LIPK: variants seen among roughly 807,000 people sequenced by gnomAD.
The protein encoded by LIPK is lipase member K.
LIPK carries 32 observed loss-of-function variants against 48.6 expected under a neutral mutation model. The observed-to-expected ratio is 0.66, with a 90% CI of 0.50 to 0.88. The LOEUF (loss-of-function observed/expected upper bound fraction) is 0.88, where lower values mean the gene tolerates loss of function less well. LIPK is among the 40% of genes least tolerant of loss of function. The probability of loss-of-function intolerance (pLI) is 0.00; values close to 1 mark genes in which losing one functional copy is unlikely to be tolerated. For missense variants in LIPK, 507 were observed against 478.5 expected, an observed-to-expected ratio of 1.06 and a Z score of -0.56; for synonymous variants, 164 against 157.4, an observed-to-expected ratio of 1.04 and a Z score of -0.32.
intron 1 of LIPK, among the ~76,000 whole-genome samples, chr10:88,714,341 C>G (rs75143208): frequency 2.0e-5 from 3 of 152,198 alleles, no homozygotes; most frequent in East Asian, 1.9e-4. Flanking sequence ...ATTCTAATAA[C>G]CTTGGCTCCA....
rs73352681 is a variant in LIPK, at chr10:88,752,480, T to C, written c.961-37T>C. ...ATGTTACTTCTATAATGTAATATTC[T>C]GTAAAAACTTTTCTCTCTCTCTTTT... On this transcript the variant is annotated intron_variant, in intron 9 of 9. Coordinates refer to ENST00000404190, the MANE Select transcript of LIPK (RefSeq NM_001080518.2). 3,631 of 1,445,362 alleles carry C rather than the reference T, an allele frequency of 2.5e-3. 35 individuals are homozygous for C. Among genetic ancestry groups the C allele is most frequent in the African/African-American group, 0.02 (1,411 of 71,144 alleles). 89.5% of individuals were successfully genotyped at this position (1,445,362 alleles called of 1,614,324 possible). A position where few individuals can be genotyped will look rare whatever the true frequency, so the allele number is the denominator to read the frequency against.
At chr10:88,706,817 C>T (rs947347626) in intron 1 of LIPK, among the ~76,000 whole-genome samples, 10 of 152,128 alleles carry the variant, frequency 6.6e-5, no homozygotes, top group African/African-American at 2.2e-4. Context: ...TCAAGAGTGA[C>T]ACAACTGCTT....
chr10:88,710,134 A>C (rs1373748878), intron 1 of LIPK, among the ~76,000 whole-genome samples: 2 of 151,948 alleles, frequency 1.3e-5, no homozygotes, highest in East Asian at 3.8e-4. Context: ...AGATTAAATT[A>C]ATATATTATA....
At chr10:88,710,044 T>C (rs936703486) in intron 1 of LIPK, among the ~76,000 whole-genome samples, 1 of 151,812 alleles carries the variant, frequency 6.6e-6, no homozygotes, top group Non-Finnish European at 1.5e-5. Flanking sequence ...AACAACTTTT[T>C]CCTCTATTTA....
At chr10:88,709,431 C>T (rs896515867) in intron 1 of LIPK, among the ~76,000 whole-genome samples, 3 of 152,108 alleles carry the variant, frequency 2.0e-5, no homozygotes, top group African/African-American at 7.2e-5. Flanking sequence ...CTATCCTTCT[C>T]CTTGTCCCCC....
chr10:88,717,360 A>T (rs920584183), intron 1 of LIPK, among the ~76,000 whole-genome samples: 5 of 152,160 alleles, frequency 3.3e-5, no homozygotes, highest in African/African-American at 1.2e-4. Context: ...GTTTTTCTGT[A>T]AAGAAGATGC....
intron 1 of LIPK, among the ~76,000 whole-genome samples, chr10:88,710,240 C>T (rs1842004457): frequency 6.6e-6 from 1 of 152,016 alleles, no homozygotes; most frequent in African/African-American, 2.4e-5. Flanking sequence ...AGATCCCTCT[C>T]CAAGTTGAGA....
Position 88,730,974 on chromosome 10 carries a change from G to T in LIPK, c.224-9G>T. On this transcript the variant is annotated splice_polypyrimidine_tract_variant and intron_variant, in intron 3 of 9. Transcript: ENST00000404190. ...CAAATATGAAATTCTTGTTGCCTGT[G>T]TTTTGCAGCTCCAAAGCCTGCTGTG... The T allele has an allele frequency of 6.4e-7, 1 of 1,555,210 alleles. No individual in the cohort carries two copies. Among genetic ancestry groups the T allele is most frequent in the Non-Finnish European group, 8.7e-7 (1 of 1,153,636 alleles).
chr10:88,724,176 A>G (rs1448331915), intron 1 of LIPK, among the ~76,000 whole-genome samples: 5 of 152,192 alleles, frequency 3.3e-5, no homozygotes, highest in African/African-American at 1.2e-4. Flanking sequence ...CCAATCTAGT[A>G]ACTAGAGATA....
chr10:88,714,297 T>C (rs1196001528), intron 1 of LIPK, among the ~76,000 whole-genome samples: 1 of 152,208 alleles, frequency 6.6e-6, no homozygotes, highest in African/African-American at 2.4e-5. Flanking sequence ...CTGATCATTT[T>C]AAACTATTTG....
In LIPK at chr10:88,749,652, T is replaced by C. The variant is rs1253912650; in HGVS notation, c.961-2865T>C. On this transcript the variant is annotated intron_variant, in intron 9 of 9. Coordinates refer to ENST00000404190, the MANE Select transcript of LIPK (RefSeq NM_001080518.2). ...GACTTAAATGTATAACCTACAACTA[T>C]AAAAACCCTAAAAGAAAACCTAGGA... Among the ~76,000 whole-genome samples, 22 of 129,364 alleles carry C rather than the reference T, an allele frequency of 1.7e-4. No individual in the cohort carries two copies. The Admixed American group carries it at 1.7e-3, about 10-fold the overall frequency. 84.9% of individuals were successfully genotyped at this position (129,364 alleles called of 152,430 possible).
chr10:88,744,436 C>G (rs981058320), intron 9 of LIPK, among the ~76,000 whole-genome samples: 1 of 152,216 alleles, frequency 6.6e-6, no homozygotes, highest in Non-Finnish European at 1.5e-5. Context: ...ATCTCAGCCT[C>G]TCCAGTGCAG....
intron 8 of LIPK, among the ~76,000 whole-genome samples, chr10:88,741,947 C>CA (rs1196220681): frequency 3.3e-5 from 5 of 152,268 alleles, no homozygotes; most frequent in African/African-American, 1.2e-4. Context: ...TTAACAGACT[C>CA]ACAGCTCCAC....
At chr10:88,738,355 AAG>A (rs1254336063) in intron 7 of LIPK, among the ~76,000 whole-genome samples, 1 of 152,154 alleles carries the variant, frequency 6.6e-6, no homozygotes, top group Non-Finnish European at 1.5e-5. Context: ...GGAGGAGGGA[AAG>A]AGAGGAGTTG....
chr10:88,707,237 C>G (rs1444701880), intron 1 of LIPK, among the ~76,000 whole-genome samples: 1 of 152,022 alleles, frequency 6.6e-6, no homozygotes. Flanking sequence ...GCACTTCAGG[C>G]TGTAAATATG....
chr10:88,737,608 T>G, intron 6 of LIPK, 27 bp from the exon 7 acceptor site: 1 of 1,610,976 alleles, frequency 6.2e-7, no homozygotes, highest in African/African-American at 1.3e-5. Context: ...CCTGTAAGAT[T>G]TGATGGTGTT....
At chr10:88,716,555 C>G (rs1842122929) in intron 1 of LIPK, among the ~76,000 whole-genome samples, 1 of 151,934 alleles carries the variant, frequency 6.6e-6, no homozygotes, top group Non-Finnish European at 1.5e-5. Flanking sequence ...ACAGATTTCA[C>G]CATGTTAGCC....
At chr10:88,735,274 C>T (rs1842548877) in intron 6 of LIPK, among the ~76,000 whole-genome samples, 3 of 152,142 alleles carry the variant, frequency 2.0e-5, no homozygotes, top group Non-Finnish European at 2.9e-5. Flanking sequence ...GACATTTATG[C>T]GTTTGTGTTC....
At chr10:88,741,501 C>T (rs1307839757) in intron 8 of LIPK, among the ~76,000 whole-genome samples, 2 of 152,204 alleles carry the variant, frequency 1.3e-5, no homozygotes, top group African/African-American at 4.8e-5. Flanking sequence ...GCTGGGATTA[C>T]AGGCGTGAGC....
Sources: gnomAD v4.1 joint callset for allele counts (sites outside exome capture counted in the v4.1 genomes callset) on GRCh38, gnomAD v4.1.1 for gene constraint, MANE v1.5 for transcripts, NCBI Gene and HGNC (gene_info 2026-07-23, HGNC 2026-07-21) for gene names.